Variants in MCF2L2 observed in about 807,000 individuals in gnomAD.
The protein encoded by MCF2L2 is probable guanine nucleotide exchange factor MCF2L2.
MCF2L2 carries 102 observed loss-of-function variants against 150.2 expected under a neutral mutation model. The ratio of observed to expected loss-of-function variants is 0.68; its 90% CI spans 0.58 to 0.80. The LOEUF (loss-of-function observed/expected upper bound fraction) is 0.80. MCF2L2 is among the 30% of genes least tolerant of loss of function. The pLI is 0.00. For synonymous variants in MCF2L2, 465 were observed against 491.3 expected (o/e 0.95, Z 0.71); for missense variants, 1,256 against 1,372.8 (o/e 0.91, Z 1.34).
intron 5 of MCF2L2, among the ~76,000 whole-genome samples, chr3:183,335,282 A>C (rs1730431359): frequency 6.6e-6 from 1 of 152,038 alleles, no homozygotes; most frequent in Non-Finnish European, 1.5e-5. Flanking sequence ...TTGTGTATGG[A>C]TCTCTTTATA....
chr3:183,284,685 A>T (rs1372713753), intron 14 of MCF2L2, among the ~76,000 whole-genome samples: 1 of 151,862 alleles, frequency 6.6e-6, no homozygotes, highest in Non-Finnish European at 1.5e-5. Flanking sequence ...TTGGGCAACA[A>T]AGTGAGACTC....
intron 5 of MCF2L2, among the ~76,000 whole-genome samples, chr3:183,326,492 CAAAAAAAAAAAAAAA>C (rs890481068): frequency 5.1e-5 from 2 of 39,424 alleles, no homozygotes; most frequent in African/African-American, 1.8e-4. Context: ...AACTCCGTCT[CAAAAAAAAAAAAAAA>C]AAAAAAAAAC....
In MCF2L2 at chr3:183,270,838, G is replaced by T. The variant is rs771581058; in HGVS notation, c.1862+6034C>A. On this transcript the variant is annotated intron_variant, in intron 15 of 29. Coordinates refer to ENST00000328913, the MANE Select transcript of MCF2L2 (RefSeq NM_015078.4). This position sits in a 1 kb window ranked among gnomAD's most constrained non-coding sequence, Gnocchi z 4.5. Reference sequence around the variant, plus strand: ...CCTAAAGTAAAAACCATTTCCAAAGGTTTTTTTGGTCAAATATACTGCAGA... The same window carrying T: ...CCTAAAGTAAAAACCATTTCCAAAGTTTTTTTTGGTCAAATATACTGCAGA... 1.2e-6 allele frequency: 2 copies of T among 1,613,692 alleles called. No homozygotes were observed. The highest frequency in any genetic ancestry group is 1.7e-6 in the Non-Finnish European group (2 of 1,179,878).
At chr3:183,424,415 A>G (rs2108636542) in intron 1 of MCF2L2, among the ~76,000 whole-genome samples, 1 of 152,352 alleles carries the variant, frequency 6.6e-6, no homozygotes, top group African/African-American at 2.4e-5. Flanking sequence ...AATATTTTAT[A>G]GCTGTCCTTA....
intron 15 of MCF2L2, among the ~76,000 whole-genome samples, chr3:183,233,987 C>T (rs370610582): frequency 9.9e-5 from 15 of 152,048 alleles, no homozygotes; most frequent in African/African-American, 3.6e-4. Context: ...ATGTAATTTC[C>T]GGAAGTCTAA....
At chr3:183,295,178 G>A (rs1728423317) in intron 13 of MCF2L2, 122 bp downstream of exon 13, 1 of 1,005,934 alleles carries the variant, frequency 9.9e-7, no homozygotes, top group African/African-American at 1.6e-5. Context: ...TATATCTGTA[G>A]TTTGTTTTAA....
At chr3:183,294,613 GTGTA>G (rs1420945040) in intron 13 of MCF2L2, among the ~76,000 whole-genome samples, 2 of 129,932 alleles carry the variant, frequency 1.5e-5, no homozygotes, top group African/African-American at 3.0e-5. Context: ...GTGTGTGTGT[GTGTA>G]TATATATATA....
At chr3:183,262,702 G>A (rs1266315222) in intron 15 of MCF2L2, among the ~76,000 whole-genome samples, 2 of 151,352 alleles carry the variant, frequency 1.3e-5, no homozygotes, top group Non-Finnish European at 2.9e-5. Context: ...GCAGACAGGA[G>A]GTGAAGTCTT....
chr3:183,261,886 G>A (rs1725617187), intron 15 of MCF2L2, among the ~76,000 whole-genome samples: 1 of 149,920 alleles, frequency 6.7e-6, no homozygotes, highest in South Asian at 2.1e-4. Flanking sequence ...TTCTAGATTG[G>A]TGTTTTTCAG....
At chr3:183,408,037 G>A (rs1182117295) in intron 1 of MCF2L2, among the ~76,000 whole-genome samples, 3 of 152,132 alleles carry the variant, frequency 2.0e-5, no homozygotes, top group Admixed American at 6.5e-5. Context: ...AGATGCCTCC[G>A]GCTCCATTTC....
At chr3:183,184,839 T>C (rs1040505290) in intron 27 of MCF2L2, among the ~76,000 whole-genome samples, 3 of 152,214 alleles carry the variant, frequency 2.0e-5, no homozygotes, top group African/African-American at 2.4e-5. Context: ...TAGCTCTCAA[T>C]CCATAGATAT....
intron 13 of MCF2L2, among the ~76,000 whole-genome samples, chr3:183,292,801 T>C (rs978858068): frequency 3.3e-5 from 5 of 152,128 alleles, no homozygotes; most frequent in African/African-American, 4.8e-5. Flanking sequence ...ACTAATTCAA[T>C]AGATCATGAC....
At chr3:183,338,768 C>G in intron 5 of MCF2L2, 32 bp downstream of exon 5, 2 of 1,580,970 alleles carry the variant, frequency 1.3e-6, no homozygotes, top group African/African-American at 2.7e-5. Context: ...GAAGCCCTAA[C>G]CAAATGAGAC....
intron 25 of MCF2L2, among the ~76,000 whole-genome samples, chr3:183,195,932 T>C (rs1340298232): frequency 6.6e-6 from 1 of 152,212 alleles, no homozygotes; most frequent in Non-Finnish European, 1.5e-5. Flanking sequence ...GTTGCTAGGA[T>C]GGGACCGTGG....
At chr3:183,399,282 T>C (rs1273303356) in intron 1 of MCF2L2, among the ~76,000 whole-genome samples, 1 of 152,238 alleles carries the variant, frequency 6.6e-6, no homozygotes, top group Non-Finnish European at 1.5e-5. Context: ...TGATTATTTT[T>C]AAAGCACACT....
chr3:183,248,720 C>A (rs569914941), intron 15 of MCF2L2, among the ~76,000 whole-genome samples: 1 of 152,160 alleles, frequency 6.6e-6, no homozygotes, highest in African/African-American at 2.4e-5. Flanking sequence ...CACCTGTAGT[C>A]CCCACTACTC....
Position 183,230,230 on chromosome 3 carries a change from C to G in MCF2L2, c.1930-449G>C, listed in dbSNP as rs528692617. On this transcript the variant is annotated intron_variant, in intron 16 of 29. Transcript: ENST00000328913. Reference sequence around the variant, plus strand: ...CTGGGTTCAAGTGATTCTTCCGTTTCAGACTCCCAAGTAGCTGGAATTACA... The same window carrying G: ...CTGGGTTCAAGTGATTCTTCCGTTTGAGACTCCCAAGTAGCTGGAATTACA... 3.9e-5 allele frequency among the ~76,000 whole-genome samples: 6 copies of G among 152,226 alleles called. No individual in the cohort carries two copies. The East Asian group carries it at 9.7e-4, about 25-fold the overall frequency.
chr3:183,180,495 T>C (rs1721484159), intron 27 of MCF2L2, among the ~76,000 whole-genome samples: 1 of 152,086 alleles, frequency 6.6e-6, no homozygotes, highest in Non-Finnish European at 1.5e-5. Context: ...TGTCTCTTTC[T>C]CACCCTCCCC....
At chr3:183,405,808 C>T (rs114449457) in intron 1 of MCF2L2, among the ~76,000 whole-genome samples, 6,428 of 152,276 alleles carry the variant, frequency 0.042, 219 homozygotes, top group African/African-American at 0.087. Flanking sequence ...CTCCGCCTCC[C>T]GACTTCAAGC....
Sources: gnomAD v4.1 joint callset for allele counts (sites outside exome capture counted in the v4.1 genomes callset) on GRCh38, gnomAD v4.1.1 for gene constraint, Gnocchi (gnomAD v3.1) non-coding constraint, MANE v1.5 for transcripts, NCBI Gene and HGNC (gene_info 2026-07-23, HGNC 2026-07-21) for gene names.